Variants in PYGB observed in about 807,000 individuals in gnomAD.
PYGB encodes glycogen phosphorylase B.
Under a neutral mutation model 94.3 loss-of-function variants are expected in PYGB, and 82 were observed. That is an observed-to-expected ratio of 0.87 (90% CI 0.73 to 1.04). The LOEUF is 1.04. Ranked by LOEUF, PYGB falls within the 50% of genes least tolerant of loss-of-function variation. PYGB has a pLI of 0.00. For missense variants in PYGB, 1,132 were observed against 1,158.2 expected (o/e 0.98, Z 0.33); for synonymous variants, 488 against 479.1 (o/e 1.02, Z -0.24).
rs191186870 is a variant in PYGB at position 25,254,704 on chromosome 20, C to T, written c.244-4533C>T. Among the ~76,000 whole-genome samples, 7 of 152,310 alleles carry T rather than the reference C, an allele frequency of 4.6e-5. No individual in the cohort carries two copies. The East Asian group carries it at 7.7e-4, about 17-fold the overall frequency. ...CACTAGGTATAAATATAGTTTGACA[C>T]GGTCCAGATCACTTAGTGTAAGTTG... On this transcript the variant is annotated intron_variant, in intron 1 of 19. Transcript: ENST00000216962.
At chr20:25,278,295 T>C in intron 7 of PYGB, 24 bp from the exon 8 acceptor site, 1 of 1,079,528 alleles carries the variant, frequency 9.3e-7, no homozygotes, top group Non-Finnish European at 1.2e-6. Flanking sequence ...GCCTGCACCC[T>C]CCAGCTTGCT....
At chr20:25,274,416 C>G (rs1273128110) in intron 4 of PYGB, among the ~76,000 whole-genome samples, 176 bp from the exon 5 acceptor site, 3 of 152,210 alleles carry the variant, frequency 2.0e-5, no homozygotes, top group African/African-American at 7.2e-5. Flanking sequence ...CCACTGTGTT[C>G]ATTTTACCCA....
At chr20:25,260,268 A>C (rs2092910579) in intron 2 of PYGB, among the ~76,000 whole-genome samples, 1 of 152,242 alleles carries the variant, frequency 6.6e-6, no homozygotes, top group African/African-American at 2.4e-5. Context: ...GTCTGTAAGA[A>C]GTACAGAACA....
intron 1 of PYGB, among the ~76,000 whole-genome samples, chr20:25,249,192 C>T (rs933755594): frequency 1.3e-5 from 2 of 152,134 alleles, no homozygotes; most frequent in African/African-American, 2.4e-5. Flanking sequence ...TTTGGTATTC[C>T]TAAATATACA....
intron 18 of PYGB, chr20:25,295,097 T>TA (rs1471546414): frequency 1.3e-6 from 2 of 1,482,740 alleles, no homozygotes; most frequent in Non-Finnish European, 1.9e-6. Context: ...TCTGACTCGA[T>TA]AGTGAACAGA....
At chr20:25,294,591 C>T (rs1481694265) in intron 18 of PYGB, among the ~76,000 whole-genome samples, 6 of 152,198 alleles carry the variant, frequency 3.9e-5, no homozygotes, top group African/African-American at 1.4e-4. Flanking sequence ...TTGGAGGTCC[C>T]AGGGGCAGCC....
At chr20:25,283,977 T>C in intron 13 of PYGB, 127 bp from the exon 14 acceptor site, 3 of 1,153,060 alleles carry the variant, frequency 2.6e-6, no homozygotes, top group Non-Finnish European at 3.7e-6. Context: ...GCCCCTCAGC[T>C]CCAGCCTGTA....
At chr20:25,286,310 C>T (rs1244505478) in intron 14 of PYGB, among the ~76,000 whole-genome samples, 3 of 152,304 alleles carry the variant, frequency 2.0e-5, no homozygotes, top group South Asian at 2.1e-4. Flanking sequence ...TCTCTCAGGA[C>T]TTGGTTTGTC....
Position 25,292,483 on chromosome 20 carries a change from A to G in PYGB, c.2047A>G (p.Met683Val), listed in dbSNP as rs201805961. ...EASGTGNMKF[M>V]LNGALTIGTM... is the part of the protein sequence containing the mutation. ...CTCAGGCACAGGCAACATGAAGTTC[A>G]TGCTCAACGGGGCCCTCACCATCGG... The change falls in exon 17 of 20, where the codon ATG becomes GTG. Residue 683 changes from methionine (M) to valine (V), a missense_variant. Transcript: ENST00000216962. The G allele has an allele frequency of 2.3e-5, 37 of 1,613,520 alleles. 1 individual carries two copies. The highest frequency in any genetic ancestry group is 3.3e-4 in the Middle Eastern group (2 of 6,062).
intron 2 of PYGB, among the ~76,000 whole-genome samples, chr20:25,265,497 C>T (rs1404062435): frequency 1.3e-5 from 2 of 152,032 alleles, no homozygotes; most frequent in South Asian, 2.1e-4. Context: ...CATCTTTTCA[C>T]GTGCTTGTGG....
At chr20:25,252,755 G>C (rs1314868314) in intron 1 of PYGB, among the ~76,000 whole-genome samples, 1 of 152,240 alleles carries the variant, frequency 6.6e-6, no homozygotes, top group Admixed American at 6.5e-5. Context: ...CTGGAAGGAA[G>C]CTCTTCCATC....
At chr20:25,275,929 T>C (rs1238748079) in intron 5 of PYGB, among the ~76,000 whole-genome samples, 1 of 152,174 alleles carries the variant, frequency 6.6e-6, no homozygotes, top group Non-Finnish European at 1.5e-5. Flanking sequence ...TGACTGGCAG[T>C]GCCACAGGCA....
chr20:25,292,475 T>TG lies in PYGB; in HGVS notation c.2040dup (p.Lys681GlufsTer90). The TG allele has an allele frequency of 6.2e-7, 1 of 1,613,596 alleles. No individual in the cohort carries two copies. Among genetic ancestry groups the TG allele is most frequent in the Non-Finnish European group, 8.5e-7 (1 of 1,179,988 alleles). ...ACCGAGGCCTCAGGCACAGGCAACA[T>TG]GAAGTTCATGCTCAACGGGGCCCTC... is the stretch of plus-strand genomic sequence containing the variant. On this transcript the variant is annotated frameshift_variant, in exon 17 of 20. Transcript: ENST00000216962. LOFTEE classifies it high-confidence loss of function.
intron 3 of PYGB, among the ~76,000 whole-genome samples, chr20:25,270,462 A>G (rs1457636279): frequency 6.6e-6 from 1 of 151,798 alleles, no homozygotes; most frequent in East Asian, 1.9e-4. Context: ...TCAGCCTCCT[A>G]AAGTGTTGGG....
chr20:25,276,196 G>A (rs1014680193), intron 5 of PYGB, among the ~76,000 whole-genome samples: 3 of 152,146 alleles, frequency 2.0e-5, no homozygotes, highest in Admixed American at 1.3e-4. Context: ...CAACCTTCCC[G>A]CAGGTGGAGC....
rs1404636898 is a variant in PYGB, at chr20:25,278,390, C to A, written c.927C>A (p.Ile309=). The A allele has an allele frequency of 6.2e-7, 1 of 1,605,878 alleles. No homozygotes were observed. Among genetic ancestry groups the A allele is most frequent in the Non-Finnish European group, 8.5e-7 (1 of 1,177,580 alleles). Residue 309 remains isoleucine (I), a synonymous_variant, in exon 8 of 20, where the codon ATC becomes ATA. Transcript: ENST00000216962. ...FVVAATLQDI[I]RRFKSSKFGC... ...TGGCCGCCACGCTCCAGGACATCATCCGCCGCTTCAAGTCGTCCAAGTTCG... is the reference window on the plus strand; with the variant it reads ...TGGCCGCCACGCTCCAGGACATCATACGCCGCTTCAAGTCGTCCAAGTTCG...
intron 12 of PYGB, among the ~76,000 whole-genome samples, chr20:25,282,367 C>T (rs1321666517): frequency 6.6e-6 from 1 of 152,232 alleles, no homozygotes; most frequent in Non-Finnish European, 1.5e-5. Flanking sequence ...GTTCAGAAGC[C>T]GAGCTTTAGG....
Position 25,258,510 on chromosome 20 carries a change from T to C in PYGB, c.244-727T>C, listed in dbSNP as rs578224528. The stretch of plus-strand genomic sequence containing the variant: ...TGTTAGTCCTTGGAGTTGTGCCCAC[T>C]GATCTTAGCATTCAGCCCTGGCCGC... On this transcript the variant is annotated intron_variant, in intron 1 of 19. Transcript: ENST00000216962. Among the ~76,000 whole-genome samples the C allele has an allele frequency of 5.3e-5, 8 of 152,378 alleles. No homozygotes were observed. The South Asian group carries it at 1.4e-3, about 28-fold the overall frequency.
intron 13 of PYGB, 49 bp from the exon 14 acceptor site, chr20:25,284,055 A>G: frequency 6.2e-7 from 1 of 1,601,096 alleles, no homozygotes; most frequent in Non-Finnish European, 8.5e-7. Flanking sequence ...GGGTCAGTGG[A>G]TGGAGTCCTG....
Sources: gnomAD v4.1 joint callset for allele counts (sites outside exome capture counted in the v4.1 genomes callset) on GRCh38, gnomAD v4.1.1 for gene constraint, MANE v1.5 for transcripts, NCBI Gene and HGNC (gene_info 2026-07-23, HGNC 2026-07-21) for gene names.